The following KIF2A variants were observed in gnomAD, a reference collection of about 807,000 sequenced individuals.
The protein encoded by KIF2A is kinesin-like protein KIF2A.
In KIF2A, 22 loss-of-function variants were observed where a neutral mutation model predicts 100.2. The ratio of observed to expected loss-of-function variants is 0.22; its 90% CI spans 0.16 to 0.31. KIF2A has a LOEUF of 0.31. KIF2A is among the 10% of genes least tolerant of loss of function. The pLI is 1.00. For missense variants in KIF2A, 495 were observed against 898.7 expected (o/e 0.55, Z 5.74); for synonymous variants, 268 against 285.9 (o/e 0.94, Z 0.63).
chr5:62,315,808 G>A (rs925487044), intron 1 of KIF2A, among the ~76,000 whole-genome samples: 32 of 152,204 alleles, frequency 2.1e-4, no homozygotes, highest in African/African-American at 7.7e-4. Flanking sequence ...AGGGAGCATA[G>A]TACTGAAAAT....
At chr5:62,340,547 T>A (rs187846377) in intron 1 of KIF2A, among the ~76,000 whole-genome samples, 1 of 152,138 alleles carries the variant, frequency 6.6e-6, no homozygotes, top group East Asian at 1.9e-4. Flanking sequence ...CGTCTATGCA[T>A]GATCCCTATT....
At chr5:62,382,324 C>T (rs1741802506) in intron 20 of KIF2A, among the ~76,000 whole-genome samples, 1 of 152,032 alleles carries the variant, frequency 6.6e-6, no homozygotes. Flanking sequence ...TGCCTGTAGT[C>T]CCAGCTATTG....
chr5:62,347,168 G>GA lies in KIF2A; in HGVS notation c.104dup (p.Asp35GlufsTer2). The GA allele has an allele frequency of 1.2e-6, 2 of 1,604,334 alleles. No individual in the cohort carries two copies. ...AGCAATGGTAACATCTTTAAATGAA[G>GA]ATAATGAAAGTGTAACTGTTGAATG... On this transcript the variant is annotated frameshift_variant, in exon 2 of 21. Coordinates refer to ENST00000407818, the MANE Select transcript of KIF2A (RefSeq NM_001098511.3). LOFTEE classifies it high-confidence loss of function.
intron 1 of KIF2A, among the ~76,000 whole-genome samples, chr5:62,338,010 A>C (rs1747065273): frequency 6.6e-6 from 1 of 152,188 alleles, no homozygotes; most frequent in Non-Finnish European, 1.5e-5. Flanking sequence ...GACATGCAAA[A>C]GGCCAAGAAG....
At chr5:62,363,657 GT>G (rs1360367801) in intron 13 of KIF2A, 37 bp from the exon 14 acceptor site, 3 of 1,551,816 alleles carry the variant, frequency 1.9e-6, no homozygotes, top group Non-Finnish European at 2.7e-6. Flanking sequence ...GTAAATTGAA[GT>G]TTTTAATGTA....
At chr5:62,355,130 A>C in intron 6 of KIF2A, 29 bp from the exon 7 acceptor site, 1 of 937,388 alleles carries the variant, frequency 1.1e-6, no homozygotes, top group South Asian at 1.4e-5. Flanking sequence ...TTATATTTAT[A>C]ATGGTGAATT....
At chr5:62,373,969 T>C (rs113473767) in intron 18 of KIF2A, 132 bp downstream of exon 18, 1 of 711,708 alleles carries the variant, frequency 1.4e-6, no homozygotes, top group East Asian at 2.7e-5. Flanking sequence ...TCTCACCAAT[T>C]TGGGAGGCTG....
intron 1 of KIF2A, 98 bp downstream of exon 1, chr5:62,306,634 G>C: frequency 2.0e-6 from 2 of 984,786 alleles, no homozygotes; most frequent in East Asian, 3.0e-5. Context: ...TTGCTTCGCC[G>C]GGCTGTGGGG....
At chr5:62,326,975 C>CA (rs1288080026) in intron 1 of KIF2A, among the ~76,000 whole-genome samples, 5 of 152,152 alleles carry the variant, frequency 3.3e-5, no homozygotes, top group Non-Finnish European at 7.4e-5. Flanking sequence ...AAAGAAAAAA[C>CA]AAAAACCTCT....
chr5:62,325,308 G>A (rs1580011949), intron 1 of KIF2A, among the ~76,000 whole-genome samples: 1 of 152,112 alleles, frequency 6.6e-6, no homozygotes, highest in South Asian at 2.1e-4. Context: ...ATTTATAGTA[G>A]AGATGGGGTT....
intron 1 of KIF2A, chr5:62,307,322 T>G (rs965414709): frequency 6.6e-6 from 1 of 151,768 alleles, no homozygotes; most frequent in Non-Finnish European, 1.5e-5. Context: ...TTTCACACCC[T>G]CGGGAGAGGT....
chr5:62,344,857 A>G (rs1290424022), intron 1 of KIF2A, among the ~76,000 whole-genome samples: 1 of 152,256 alleles, frequency 6.6e-6, no homozygotes, highest in Non-Finnish European at 1.5e-5. Context: ...ACACCAGTAT[A>G]TCATTTGAGA....
In KIF2A at chr5:62,372,557, C is replaced by T; in HGVS notation, c.1760+6C>T. 6 of 1,428,164 alleles carry T rather than the reference C, an allele frequency of 4.2e-6. No homozygotes were observed. The highest frequency in any genetic ancestry group is 5.9e-6 in the Non-Finnish European group (6 of 1,012,714). The allele number at this position is 1,428,164 out of a possible 1,614,324, so 88.5% of individuals were successfully genotyped here. On this transcript the variant is annotated splice_donor_region_variant and intron_variant, in intron 17 of 20. Transcript: ENST00000407818. ...TTTTCTCCTTCAGTTACCAGGTCTACTTCATTCTATACATAAGATGTTTAT... is the reference window on the plus strand; with the variant it reads ...TTTTCTCCTTCAGTTACCAGGTCTATTTCATTCTATACATAAGATGTTTAT...
chr5:62,316,408 T>C (rs1015759008), intron 1 of KIF2A, among the ~76,000 whole-genome samples: 5 of 152,242 alleles, frequency 3.3e-5, no homozygotes, highest in Non-Finnish European at 7.3e-5. Context: ...GCCTATTTTT[T>C]CTGTCCTGGC....
chr5:62,362,919 T>A (rs778239316), intron 12 of KIF2A, among the ~76,000 whole-genome samples: 1 of 152,202 alleles, frequency 6.6e-6, no homozygotes, highest in Non-Finnish European at 1.5e-5. Flanking sequence ...TTCAATCTCC[T>A]GAGCTCAAGT....
chr5:62,360,366 C>T (rs1748339730), intron 9 of KIF2A, among the ~76,000 whole-genome samples: 1 of 152,074 alleles, frequency 6.6e-6, no homozygotes, highest in Non-Finnish European at 1.5e-5. Flanking sequence ...TTAACTCTAG[C>T]AGTGGGTTAT....
chr5:62,373,679 A>G lies in KIF2A; in HGVS notation c.1761-8A>G. ...TTTTAACTTTAGATACCTCTTATGTATTTATAGGGTCAAAGAATTGACTGT... is the reference window on the plus strand; with the variant it reads ...TTTTAACTTTAGATACCTCTTATGTGTTTATAGGGTCAAAGAATTGACTGT... On this transcript the variant is annotated splice_region_variant and splice_polypyrimidine_tract_variant and intron_variant, in intron 17 of 20. Coordinates refer to ENST00000407818, the MANE Select transcript of KIF2A (RefSeq NM_001098511.3). 6.2e-7 allele frequency: 1 copy of G among 1,610,342 alleles called. No individual in the cohort carries two copies. The highest frequency in any genetic ancestry group is 8.5e-7 in the Non-Finnish European group (1 of 1,177,062).
intron 19 of KIF2A, among the ~76,000 whole-genome samples, 180 bp from the exon 20 acceptor site, chr5:62,380,938 A>C (rs1346969529): frequency 6.6e-6 from 1 of 152,142 alleles, no homozygotes; most frequent in African/African-American, 2.4e-5. Context: ...GTTTAAACCC[A>C]TGTTGTTCCA....
At chr5:62,363,069 C>T in intron 12 of KIF2A, 109 bp from the exon 13 acceptor site, 2 of 839,228 alleles carry the variant, frequency 2.4e-6, no homozygotes, top group South Asian at 2.0e-5. Flanking sequence ...CTCAAGCCAT[C>T]CTCCTGCCTC....
Sources: allele counts gnomAD v4.1 joint callset (sites outside exome capture counted in the v4.1 genomes callset), GRCh38; gene constraint gnomAD v4.1.1; transcripts MANE v1.5; gene names NCBI Gene and HGNC (gene_info 2026-07-23, HGNC 2026-07-21).